The following FBXW11 variants were observed in gnomAD, a reference collection of about 807,000 sequenced individuals.
The protein encoded by FBXW11 is F-box/WD repeat-containing protein 11.
FBXW11 carries 19 observed loss-of-function variants against 77.6 expected under a neutral mutation model. The observed-to-expected ratio is 0.24, with a 90% CI of 0.17 to 0.36. The LOEUF is 0.36. Among genes scored for constraint, FBXW11 ranks in the 10% least tolerant of loss-of-function variants. FBXW11 has a pLI of 1.00. For synonymous variants in FBXW11, 235 were observed against 249.4 expected, an observed-to-expected ratio of 0.94 and a Z score of 0.54; for missense variants, 334 against 704.2, an observed-to-expected ratio of 0.47 and a Z score of 5.95.
chr5:171,870,576 T>C (rs1757697036), intron 11 of FBXW11, among the ~76,000 whole-genome samples, 172 bp downstream of exon 11: 1 of 152,198 alleles, frequency 6.6e-6, no homozygotes. Flanking sequence ...TTAGTTCTTC[T>C]TTCTGGGCCT....
chr5:171,918,796 G>A (rs961871807), intron 2 of FBXW11, among the ~76,000 whole-genome samples: 12 of 152,168 alleles, frequency 7.9e-5, no homozygotes, highest in African/African-American at 2.7e-4. Flanking sequence ...CAGCATCCTT[G>A]GCCAGTGCCT....
chr5:171,926,775 A>G (rs1252098293), intron 2 of FBXW11, among the ~76,000 whole-genome samples: 1 of 152,216 alleles, frequency 6.6e-6, no homozygotes, highest in Admixed American at 6.5e-5. Flanking sequence ...AGGCTCCTTT[A>G]GTCAAATTTA....
At chr5:171,905,588 A>C (rs1760436317) in intron 4 of FBXW11, among the ~76,000 whole-genome samples, 1 of 89,708 alleles carries the variant, frequency 1.1e-5, no homozygotes, top group African/African-American at 3.1e-5. Flanking sequence ...GCAAAAAGCT[A>C]ACCCCCCCCC....
chr5:171,880,637 TATAA>T (rs1456663625), intron 7 of FBXW11, among the ~76,000 whole-genome samples: 1 of 152,240 alleles, frequency 6.6e-6, no homozygotes, highest in African/African-American at 2.4e-5. Flanking sequence ...ACATAGATCT[TATAA>T]ATATTTTGTT....
chr5:171,951,447 G>A (rs1160071601), intron 2 of FBXW11, among the ~76,000 whole-genome samples: 1 of 151,970 alleles, frequency 6.6e-6, no homozygotes, highest in Non-Finnish European at 1.5e-5. Flanking sequence ...GAAGTGCGAG[G>A]GATCACTTGA....
In FBXW11 at chr5:171,876,206, T is replaced by G; in HGVS notation, c.1221+79A>C. The G allele has an allele frequency of 6.5e-7, 1 of 1,541,312 alleles. No homozygotes were observed. Among genetic ancestry groups the G allele is most frequent in the Non-Finnish European group, 8.9e-7 (1 of 1,126,588 alleles). On this transcript the variant is annotated intron_variant, in intron 9 of 13. Transcript: ENST00000517395. This position sits in a 1 kb window ranked among gnomAD's most constrained non-coding sequence, Gnocchi z 4.2. ...AATAAAGATCTTGCCAGGTACCAGGTTGGTATAAGCCACCTCTGCTTTGTC... is the reference window on the plus strand; with the variant it reads ...AATAAAGATCTTGCCAGGTACCAGGGTGGTATAAGCCACCTCTGCTTTGTC...
chr5:172,003,975 G>C (rs1766571919), intron 1 of FBXW11, among the ~76,000 whole-genome samples: 1 of 152,162 alleles, frequency 6.6e-6, no homozygotes, highest in Non-Finnish European at 1.5e-5. Context: ...TACTGAAGCT[G>C]ACTCATAAAA....
chr5:171,895,053 C>G (rs1033547388), intron 6 of FBXW11, among the ~76,000 whole-genome samples: 7 of 152,164 alleles, frequency 4.6e-5, no homozygotes, highest in African/African-American at 1.4e-4. Context: ...TAACCATTCC[C>G]AGGAAGAGGC....
chr5:171,980,631 C>T (rs974454910), intron 1 of FBXW11, among the ~76,000 whole-genome samples: 4 of 152,074 alleles, frequency 2.6e-5, no homozygotes, highest in African/African-American at 9.7e-5. Flanking sequence ...AATGAAATAC[C>T]ATTTCACACC....
rs1036387534 is a variant in FBXW11 at position 171,917,764 on chromosome 5, C to CTGTG, written c.148-3360_148-3359insCACA. ...TACACATCCTTGCACTCTAGACTCACTCTGTGTGTGTGTGTGTGTGTGTGT... is the reference window on the plus strand; with the variant it reads ...TACACATCCTTGCACTCTAGACTCACTGTGTCTGTGTGTGTGTGTGTGTGTGTGT... On this transcript the variant is annotated intron_variant, in intron 2 of 13. Coordinates refer to ENST00000517395, the MANE Select transcript of FBXW11 (RefSeq NM_001378974.1). Among the ~76,000 whole-genome samples, 9 of 65,674 alleles carry CTGTG rather than the reference C, an allele frequency of 1.4e-4. No homozygotes were observed. In the South Asian group the frequency reaches 4.5e-3, roughly 33 times the overall value. 43.1% of individuals were successfully genotyped at this position (65,674 alleles called of 152,430 possible).
intron 1 of FBXW11, among the ~76,000 whole-genome samples, chr5:171,999,407 A>G (rs962029324): frequency 3.3e-5 from 5 of 151,322 alleles, no homozygotes; most frequent in Admixed American, 3.3e-4. Context: ...AAAAATATAT[A>G]TATATATACA....
chr5:171,971,167 C>T (rs1401288818), intron 1 of FBXW11, among the ~76,000 whole-genome samples: 2 of 152,214 alleles, frequency 1.3e-5, no homozygotes, highest in African/African-American at 4.8e-5. Context: ...GCTGTCAGTA[C>T]ACACCACTTG....
At chr5:171,921,196 G>A (rs570853079) in intron 2 of FBXW11, among the ~76,000 whole-genome samples, 30 of 152,266 alleles carry the variant, frequency 2.0e-4, no homozygotes, top group Admixed American at 1.7e-3. Context: ...TGGTTCCAAT[G>A]ACCTAGCCTC....
intron 6 of FBXW11, among the ~76,000 whole-genome samples, chr5:171,897,211 T>C (rs570917012): frequency 5.1e-4 from 77 of 152,350 alleles, no homozygotes; most frequent in Non-Finnish European, 9.4e-4. Flanking sequence ...CATTATAAAG[T>C]AGTTAACAAA....
chr5:171,912,842 G>A (rs544353552), intron 3 of FBXW11, among the ~76,000 whole-genome samples: 1 of 152,090 alleles, frequency 6.6e-6, no homozygotes, highest in East Asian at 1.9e-4. Flanking sequence ...CCTGGGAGGC[G>A]GAGGGTGCAG....
intron 2 of FBXW11, among the ~76,000 whole-genome samples, chr5:171,921,007 GA>G (rs1761561641): frequency 6.6e-6 from 1 of 152,172 alleles, no homozygotes; most frequent in Admixed American, 6.5e-5. Flanking sequence ...ATTGTGACTT[GA>G]AAACTTGTCA....
Position 171,957,848 on chromosome 5 carries a change from A to C in FBXW11, c.46-150T>G, listed in dbSNP as rs571329149. On this transcript the variant is annotated intron_variant, in intron 1 of 13. Transcript: ENST00000517395. ...GGGATGGTCCCAGACAGCTCACTGA[A>C]ACCTTGGGGGAGGGCCCACTTGATG... 2.5e-5 allele frequency: 16 copies of C among 636,630 alleles called. No individual in the cohort carries two copies. The East Asian group carries it at 4.2e-4, about 17-fold the overall frequency. The allele number at this position is 636,630 out of a possible 1,614,324, so 39.4% of individuals were successfully genotyped here. A position where few individuals can be genotyped will look rare whatever the true frequency, so the allele number is the denominator to read the frequency against.
At chr5:171,879,495 T>C (rs1758360139) in intron 7 of FBXW11, among the ~76,000 whole-genome samples, 1 of 152,240 alleles carries the variant, frequency 6.6e-6, no homozygotes, top group African/African-American at 2.4e-5. Flanking sequence ...GGTAAAAGTA[T>C]GTTTAGTTTC....
At chr5:171,925,467 T>C (rs1193058232) in intron 2 of FBXW11, among the ~76,000 whole-genome samples, 1 of 151,608 alleles carries the variant, frequency 6.6e-6, no homozygotes, top group East Asian at 1.9e-4. Flanking sequence ...GTCATATGGG[T>C]TTTTGGTTTT....
Sources: allele counts gnomAD v4.1 joint callset (sites outside exome capture counted in the v4.1 genomes callset), GRCh38; gene constraint gnomAD v4.1.1; non-coding constraint Gnocchi (gnomAD v3.1); transcripts MANE v1.5; gene names NCBI Gene and HGNC (gene_info 2026-07-23, HGNC 2026-07-21).